Variants in CELF2 observed in about 807,000 individuals in gnomAD.
The protein encoded by CELF2 is CUGBP Elav-like family member 2.
A neutral mutation model predicts 62.6 loss-of-function variants in CELF2; 8 were observed. The ratio of observed to expected loss-of-function variants is 0.13; its 90% CI spans 0.07 to 0.23. CELF2 has a LOEUF of 0.23. Among genes scored for constraint, CELF2 ranks in the 10% least tolerant of loss-of-function variants. The pLI is 1.00. For missense variants in CELF2, 333 were observed against 671.0 expected (o/e 0.50, Z 5.56); for synonymous variants, 258 against 250.0 (o/e 1.03, Z -0.30).
the CELF2 span, among the ~76,000 whole-genome samples, chr10:10,758,190 G>A: frequency 2.2e-4 from 33 of 152,336 alleles, no homozygotes; most frequent in African/African-American, 7.9e-4. Flanking sequence ...GTGAAGCACG[G>A]CTGGAGAGGG....
the CELF2 span, among the ~76,000 whole-genome samples, chr10:10,511,325 T>G: frequency 6.6e-6 from 1 of 152,148 alleles, no homozygotes; most frequent in South Asian, 2.1e-4. Context: ...GCAGGGAGAA[T>G]TGCTTGAACC....
At chr10:10,676,115 T>C in the CELF2 span, among the ~76,000 whole-genome samples, 3 of 152,186 alleles carry the variant, frequency 2.0e-5, no homozygotes, top group Non-Finnish European at 2.9e-5. Context: ...AAGCATTCTG[T>C]GGCCTTATAA....
intron 1 of CELF2, among the ~76,000 whole-genome samples, chr10:10,913,002 G>C (rs1450395004): frequency 1.3e-5 from 2 of 152,148 alleles, no homozygotes; most frequent in African/African-American, 4.8e-5. Flanking sequence ...ATAGTGGCTG[G>C]TGTTAAAGAA....
rs2061693445 is a variant in CELF2, at chr10:11,211,195, C to T, written c.272-6230C>T. Among the ~76,000 whole-genome samples, 1 of 152,178 alleles carries T rather than the reference C, an allele frequency of 6.6e-6. No homozygotes were observed. The highest frequency in any genetic ancestry group is 6.5e-5 in the Admixed American group (1 of 15,284). On this transcript the variant is annotated intron_variant, in intron 2 of 12. Coordinates refer to ENST00000633077, the MANE Select transcript of CELF2 (RefSeq NM_001326342.2). This position sits in a 1 kb window ranked among gnomAD's most constrained non-coding sequence, Gnocchi z 4.8. ...CAGCAGCCTACAGTGGAGAAGATGA[C>T]TTTAGCTCAGGAGTTCGAAGTTAAA... is the stretch of plus-strand genomic sequence containing the variant.
chr10:10,526,366 C>T, the CELF2 span, among the ~76,000 whole-genome samples: 1 of 152,196 alleles, frequency 6.6e-6, no homozygotes, highest in Non-Finnish European at 1.5e-5. Context: ...CACAGAGTAA[C>T]ATCACAAGGA....
chr10:10,867,350 G>A (rs760917891), intron 1 of CELF2, among the ~76,000 whole-genome samples: 24 of 152,224 alleles, frequency 1.6e-4, no homozygotes, highest in Non-Finnish European at 3.2e-4. Flanking sequence ...GATTTCACAA[G>A]TTACTGACAA....
chr10:11,229,352 C>T (rs1031864376), intron 3 of CELF2, among the ~76,000 whole-genome samples: 3 of 147,432 alleles, frequency 2.0e-5, no homozygotes, highest in Non-Finnish European at 2.9e-5. Flanking sequence ...GACCCAGAAA[C>T]CTAATAAGAT....
At chr10:10,544,729 A>C in the CELF2 span, among the ~76,000 whole-genome samples, 3 of 152,204 alleles carry the variant, frequency 2.0e-5, 1 homozygote, top group Non-Finnish European at 4.4e-5. Context: ...AACACAGAGT[A>C]TGGAGAGAGA....
Position 11,259,800 on chromosome 10 carries a change from A to G in CELF2, c.538+1928A>G, listed in dbSNP as rs572124451. On this transcript the variant is annotated intron_variant, in intron 5 of 12. Transcript: ENST00000633077. ...ATATGTCCACTTAAGCAGACAAGCC[A>G]GGAGGGAGAATACCATGGGAAAAGA... is the stretch of plus-strand genomic sequence containing the variant. Among the ~76,000 whole-genome samples the G allele has an allele frequency of 2.6e-5, 4 of 152,354 alleles. No individual in the cohort carries two copies. The South Asian group carries it at 8.3e-4, about 32-fold the overall frequency.
chr10:10,653,241 G>C, the CELF2 span, among the ~76,000 whole-genome samples: 3 of 151,946 alleles, frequency 2.0e-5, no homozygotes, highest in Non-Finnish European at 4.4e-5. Flanking sequence ...CCTACAAAGA[G>C]ACTTAGACTC....
rs191694214 is a variant in CELF2 at position 11,183,617 on chromosome 10, A to G, written c.271+17935A>G. Among the ~76,000 whole-genome samples, 4 of 152,328 alleles carry G rather than the reference A, an allele frequency of 2.6e-5. No individual in the cohort carries two copies. In the South Asian group the frequency reaches 6.2e-4, roughly 24 times the overall value. On this transcript the variant is annotated intron_variant, in intron 2 of 12. Coordinates refer to ENST00000633077, the MANE Select transcript of CELF2 (RefSeq NM_001326342.2). Reference sequence around the variant, plus strand: ...CCCTCCAACACTTGGTGTAATCACTATTCCTAATTTTACCCCTTCTAATCT... The same window carrying G: ...CCCTCCAACACTTGGTGTAATCACTGTTCCTAATTTTACCCCTTCTAATCT...
the CELF2 span, among the ~76,000 whole-genome samples, chr10:10,724,655 CAA>C: frequency 6.8e-4 from 55 of 81,176 alleles, no homozygotes; most frequent in African/African-American, 2.4e-3. Context: ...GACTCCGTCT[CAA>C]AAAAAAAAAA....
intron 2 of CELF2, among the ~76,000 whole-genome samples, chr10:11,000,263 A>G (rs957879897): frequency 6.6e-6 from 1 of 150,780 alleles, no homozygotes; most frequent in Admixed American, 6.6e-5. Context: ...GCCTTTCTTT[A>G]CCTACACAGA....
At chr10:10,697,038 A>G in the CELF2 span, among the ~76,000 whole-genome samples, 1 of 152,190 alleles carries the variant, frequency 6.6e-6, no homozygotes, top group Non-Finnish European at 1.5e-5. Flanking sequence ...CAAGGATTAG[A>G]AAACAAAATA....
At chr10:10,497,588 T>G in the CELF2 span, among the ~76,000 whole-genome samples, 1 of 150,638 alleles carries the variant, frequency 6.6e-6, no homozygotes, top group Non-Finnish European at 1.5e-5. Flanking sequence ...GGGATGAGGG[T>G]TTTTAGTGTC....
At chr10:10,664,770 G>T in the CELF2 span, among the ~76,000 whole-genome samples, 1 of 152,166 alleles carries the variant, frequency 6.6e-6, no homozygotes. Context: ...TGGTTTAGGG[G>T]AATCTATCTT....
intron 2 of CELF2, among the ~76,000 whole-genome samples, chr10:10,956,905 G>A (rs1385377825): frequency 6.6e-6 from 1 of 151,396 alleles, no homozygotes; most frequent in East Asian, 1.9e-4. Context: ...CAGCACTCCA[G>A]CCTGGGCGGT....
At chr10:10,991,222 A>C (rs1325079267) in intron 2 of CELF2, among the ~76,000 whole-genome samples, 4 of 152,172 alleles carry the variant, frequency 2.6e-5, no homozygotes. Flanking sequence ...TTGGGTGTGC[A>C]TGTGTGCACA....
the CELF2 span, among the ~76,000 whole-genome samples, chr10:10,564,241 T>A: frequency 2.0e-5 from 3 of 152,102 alleles, no homozygotes; most frequent in South Asian, 6.2e-4. Context: ...TCGATGACAA[T>A]GGTTTCCATG....
Sources: gnomAD v4.1 joint callset for allele counts (sites outside exome capture counted in the v4.1 genomes callset) on GRCh38, gnomAD v4.1.1 for gene constraint, Gnocchi (gnomAD v3.1) non-coding constraint, MANE v1.5 for transcripts, NCBI Gene and HGNC (gene_info 2026-07-23, HGNC 2026-07-21) for gene names.